CNTNAP2: variants seen among roughly 807,000 people sequenced by gnomAD.
CNTNAP2 encodes the protein contactin-associated protein-like 2.
Under a neutral mutation model 155.2 loss-of-function variants are expected in CNTNAP2, and 98 were observed. That is an observed-to-expected ratio of 0.63 (90% CI 0.54 to 0.75). The LOEUF is 0.75. Among genes scored for constraint, CNTNAP2 ranks in the 30% least tolerant of loss-of-function variants. CNTNAP2 has a pLI of 0.00. For synonymous variants in CNTNAP2, 651 were observed against 631.2 expected, an observed-to-expected ratio of 1.03 and a Z score of -0.47; for missense variants, 1,727 against 1,688.1, an observed-to-expected ratio of 1.02 and a Z score of -0.40.
At chr7:146,188,337 T>C (rs145469395) in intron 1 of CNTNAP2, among the ~76,000 whole-genome samples, 92 of 152,320 alleles carry the variant, frequency 6.0e-4, no homozygotes, top group African/African-American at 2.2e-3. Context: ...AACATAGAAC[T>C]CAAAGTATAT....
At chr7:147,644,417 T>C (rs937931579) in intron 13 of CNTNAP2, among the ~76,000 whole-genome samples, 3 of 152,082 alleles carry the variant, frequency 2.0e-5, no homozygotes, top group African/African-American at 7.2e-5. Context: ...AGTCAGGAGT[T>C]CAAGACCAGC....
intron 11 of CNTNAP2, among the ~76,000 whole-genome samples, chr7:147,501,467 T>G (rs1338847920): frequency 6.6e-6 from 1 of 152,196 alleles, no homozygotes; most frequent in Non-Finnish European, 1.5e-5. Context: ...TGACATGCTC[T>G]TATAGAGAGA....
chr7:146,579,410 A>G (rs1798576156), intron 1 of CNTNAP2, among the ~76,000 whole-genome samples: 1 of 152,088 alleles, frequency 6.6e-6, no homozygotes, highest in Non-Finnish European at 1.5e-5. Context: ...ACCACGCTCC[A>G]TTGACTAATG....
intron 8 of CNTNAP2, among the ~76,000 whole-genome samples, chr7:147,277,243 C>T (rs931968338): frequency 7.2e-5 from 11 of 151,868 alleles, no homozygotes; most frequent in Admixed American, 2.0e-4. Context: ...TAAATAGGAA[C>T]ATTTAAGACT....
At chr7:146,175,952 A>G (rs964274570) in intron 1 of CNTNAP2, among the ~76,000 whole-genome samples, 3 of 152,096 alleles carry the variant, frequency 2.0e-5, no homozygotes, top group Non-Finnish European at 4.4e-5. Context: ...CCCTAGTGGG[A>G]GCTATGGAAA....
intron 18 of CNTNAP2, 149 bp from the exon 19 acceptor site, chr7:148,217,139 T>C: frequency 1.4e-6 from 1 of 707,420 alleles, no homozygotes; most frequent in African/African-American, 1.8e-5. Flanking sequence ...GTATTTGTGT[T>C]GATGCAATAG....
intron 9 of CNTNAP2, among the ~76,000 whole-genome samples, chr7:147,310,455 C>CT (rs1393882943): frequency 6.6e-6 from 1 of 152,026 alleles, no homozygotes; most frequent in Non-Finnish European, 1.5e-5. Flanking sequence ...ATACGGATAA[C>CT]ACTAAAGATA....
chr7:146,959,477 C>T (rs371995588), intron 3 of CNTNAP2, among the ~76,000 whole-genome samples: 15 of 151,448 alleles, frequency 9.9e-5, no homozygotes, highest in East Asian at 5.9e-4. Context: ...CCCAGCACTT[C>T]GGGAGGCTGA....
At chr7:147,871,772 T>G (rs563176417) in intron 13 of CNTNAP2, among the ~76,000 whole-genome samples, 2 of 152,052 alleles carry the variant, frequency 1.3e-5, no homozygotes, top group East Asian at 3.9e-4. Context: ...ACTTTGAGAC[T>G]ATGTGAGTCG....
At chr7:147,908,296 A>T (rs956405005) in intron 14 of CNTNAP2, among the ~76,000 whole-genome samples, 6 of 152,206 alleles carry the variant, frequency 3.9e-5, no homozygotes, top group Non-Finnish European at 8.8e-5. Context: ...ATCATCCCTC[A>T]GGGAGACGTG....
At chr7:148,343,997 A>T (rs1274135546) in intron 21 of CNTNAP2, among the ~76,000 whole-genome samples, 2 of 152,218 alleles carry the variant, frequency 1.3e-5, no homozygotes, top group African/African-American at 4.8e-5. Flanking sequence ...GGCTCCCATG[A>T]CTGGGCTACA....
At chr7:147,648,020 G>A (rs992924765) in intron 13 of CNTNAP2, among the ~76,000 whole-genome samples, 1 of 152,188 alleles carries the variant, frequency 6.6e-6, no homozygotes, top group Non-Finnish European at 1.5e-5. Flanking sequence ...AGACTGCATG[G>A]GGAAAGGAAA....
chr7:146,560,347 G>C (rs1049337060), intron 1 of CNTNAP2, among the ~76,000 whole-genome samples: 1 of 151,802 alleles, frequency 6.6e-6, no homozygotes, highest in Non-Finnish European at 1.5e-5. Flanking sequence ...TTATGATGGT[G>C]TATATACATA....
intron 12 of CNTNAP2, among the ~76,000 whole-genome samples, chr7:147,622,260 C>G (rs1794872554): frequency 2.6e-5 from 4 of 152,102 alleles, no homozygotes; most frequent in Non-Finnish European, 5.9e-5. Context: ...AAACATCAGA[C>G]TTAATCTTCT....
rs553242435 is a variant in CNTNAP2, at chr7:146,914,302, G to A, written c.402+74398G>A. ...GTATAGTGATTTTTTTTCCCTCTGG[G>A]TAGGTACCCAGGGCACGATTACTGG... On this transcript the variant is annotated intron_variant, in intron 3 of 23. Transcript: ENST00000361727. 2.0e-5 allele frequency among the ~76,000 whole-genome samples: 3 copies of A among 151,814 alleles called. No individual in the cohort carries two copies. In the South Asian group the frequency reaches 6.2e-4, roughly 32 times the overall value.
chr7:147,158,478 A>G (rs886784799), intron 8 of CNTNAP2, among the ~76,000 whole-genome samples: 1 of 152,102 alleles, frequency 6.6e-6, no homozygotes, highest in Admixed American at 6.6e-5. Flanking sequence ...TGTATTTGTG[A>G]AAAGGAACTA....
intron 10 of CNTNAP2, among the ~76,000 whole-genome samples, chr7:147,450,021 A>G (rs1435389213): frequency 2.6e-5 from 4 of 152,248 alleles, no homozygotes; most frequent in Middle Eastern, 3.4e-3. Context: ...AAATCCCCCA[A>G]CCAAGGGTGT....
chr7:146,947,977 A>T (rs986755749), intron 3 of CNTNAP2, among the ~76,000 whole-genome samples: 4 of 152,166 alleles, frequency 2.6e-5, no homozygotes, highest in African/African-American at 9.7e-5. Context: ...GCTTTTTAAA[A>T]TTTATAACAA....
chr7:146,279,439 C>CACAT (rs1326109008), intron 1 of CNTNAP2, among the ~76,000 whole-genome samples: 2 of 144,850 alleles, frequency 1.4e-5, no homozygotes, highest in African/African-American at 5.7e-5. Context: ...AACACACACA[C>CACAT]ACACACACAC....
Sources: gnomAD v4.1 joint callset for allele counts (sites outside exome capture counted in the v4.1 genomes callset) on GRCh38, gnomAD v4.1.1 for gene constraint, MANE v1.5 for transcripts, NCBI Gene and HGNC (gene_info 2026-07-23, HGNC 2026-07-21) for gene names.